DLGAP2: variants seen among roughly 807,000 people sequenced by gnomAD.
DLGAP2 encodes the protein DLG associated protein 2, also known as disks large-associated protein 2.
DLGAP2 carries 26 observed loss-of-function variants against 100.3 expected under a neutral mutation model. The ratio of observed to expected loss-of-function variants is 0.26; its 90% CI spans 0.19 to 0.36. The LOEUF is 0.36. Ranked by LOEUF, DLGAP2 falls within the 10% of genes least tolerant of loss-of-function variation. The probability of loss-of-function intolerance (pLI) is 1.00; values close to 1 mark genes in which losing one functional copy is unlikely to be tolerated. For synonymous variants in DLGAP2, 886 were observed against 630.1 expected (o/e 1.41, Z -6.08); for missense variants, 1,858 against 1,453.2 (o/e 1.28, Z -4.53).
chr8:999,713 T>G (rs1025834730), intron 2 of DLGAP2, among the ~76,000 whole-genome samples: 11 of 152,212 alleles, frequency 7.2e-5, no homozygotes, highest in Admixed American at 2.0e-4. Context: ...TCTCTTGACC[T>G]CGTGATCCAC....
chr8:1,309,000 C>T (rs1039145209), intron 3 of DLGAP2, among the ~76,000 whole-genome samples: 6 of 151,934 alleles, frequency 3.9e-5, no homozygotes, highest in Non-Finnish European at 8.8e-5. Context: ...CAGATTTGAG[C>T]AGGTAGAGGA....
chr8:1,226,253 A>T (rs192661722), intron 2 of DLGAP2, among the ~76,000 whole-genome samples: 26 of 152,140 alleles, frequency 1.7e-4, no homozygotes, highest in Admixed American at 1.2e-3. Flanking sequence ...TAGACTGGAT[A>T]AAAAAAATGC....
chr8:778,730 A>G (rs962849791), intron 1 of DLGAP2, among the ~76,000 whole-genome samples: 4 of 152,246 alleles, frequency 2.6e-5, no homozygotes, highest in Non-Finnish European at 4.4e-5. Context: ...TGGGAGAACC[A>G]CTGCTCTCTT....
At chr8:1,059,084 A>T (rs894725718) in intron 2 of DLGAP2, among the ~76,000 whole-genome samples, 2 of 152,138 alleles carry the variant, frequency 1.3e-5, no homozygotes, top group African/African-American at 4.8e-5. Context: ...TCCATGGGTA[A>T]ACCTCAGGTT....
At chr8:1,382,950 C>G (rs1270224365) in intron 3 of DLGAP2, among the ~76,000 whole-genome samples, 1 of 152,002 alleles carries the variant, frequency 6.6e-6, no homozygotes, top group African/African-American at 2.4e-5. Flanking sequence ...GAGAGAGACC[C>G]TAATCAATGA....
chr8:908,407 A>G (rs1798421971), intron 2 of DLGAP2, among the ~76,000 whole-genome samples: 1 of 152,176 alleles, frequency 6.6e-6, no homozygotes, highest in African/African-American at 2.4e-5. Context: ...GCTAGATGTT[A>G]TGTTCTGGAA....
At chr8:1,552,141 C>G (rs754730737) in intron 5 of DLGAP2, among the ~76,000 whole-genome samples, 13 of 152,230 alleles carry the variant, frequency 8.5e-5, no homozygotes, top group Non-Finnish European at 1.8e-4. Context: ...CCTGACGCCA[C>G]TGGCCTCCCT....
intron 2 of DLGAP2, among the ~76,000 whole-genome samples, chr8:1,078,883 G>A (rs757158092): frequency 6.6e-6 from 1 of 152,182 alleles, no homozygotes; most frequent in Admixed American, 6.5e-5. Flanking sequence ...GCAGGTTTTT[G>A]TATGGAGATG....
chr8:1,333,448 C>G (rs1055680631), intron 3 of DLGAP2, among the ~76,000 whole-genome samples: 8 of 152,166 alleles, frequency 5.3e-5, no homozygotes, highest in Non-Finnish European at 1.2e-4. Context: ...CTGACACTTT[C>G]CCATCCCGTC....
At chr8:816,591 G>T (rs951183868) in intron 1 of DLGAP2, among the ~76,000 whole-genome samples, 1 of 152,156 alleles carries the variant, frequency 6.6e-6, no homozygotes, top group Non-Finnish European at 1.5e-5. Context: ...TGAGAAATCT[G>T]TTAATCTGAT....
intron 1 of DLGAP2, among the ~76,000 whole-genome samples, chr8:841,393 G>A (rs1345420979): frequency 6.6e-6 from 1 of 152,174 alleles, no homozygotes; most frequent in Non-Finnish European, 1.5e-5. Context: ...AACCCTGGCA[G>A]CCTTTCGTAG....
intron 2 of DLGAP2, among the ~76,000 whole-genome samples, chr8:927,409 C>T (rs1798840395): frequency 6.6e-6 from 1 of 152,092 alleles, no homozygotes; most frequent in African/African-American, 2.4e-5. Flanking sequence ...TTGGGTCTAC[C>T]TGAGCATACG....
intron 2 of DLGAP2, among the ~76,000 whole-genome samples, chr8:1,157,860 G>A (rs1168723722): frequency 2.6e-5 from 4 of 152,316 alleles, no homozygotes; most frequent in African/African-American, 2.4e-5. Context: ...TGTCCCAGGC[G>A]CTATCTCAGA....
At chr8:870,470 C>T (rs146799998) in intron 1 of DLGAP2, among the ~76,000 whole-genome samples, 7 of 152,134 alleles carry the variant, frequency 4.6e-5, no homozygotes, top group South Asian at 4.2e-4. Flanking sequence ...GGCTTGAAAA[C>T]CTGGAGAATT....
chr8:1,426,702 C>G (rs1435846846), intron 3 of DLGAP2, among the ~76,000 whole-genome samples: 3 of 152,182 alleles, frequency 2.0e-5, no homozygotes, highest in Non-Finnish European at 4.4e-5. Flanking sequence ...ATTAGACCAA[C>G]AATAGATTCT....
intron 2 of DLGAP2, among the ~76,000 whole-genome samples, chr8:924,184 C>T (rs567303760): frequency 4.2e-4 from 64 of 152,354 alleles, no homozygotes; most frequent in African/African-American, 1.5e-3. Context: ...ACACCAGCTA[C>T]GTCCCTCACA....
intron 2 of DLGAP2, among the ~76,000 whole-genome samples, chr8:1,200,182 C>G (rs538017184): frequency 1.3e-5 from 2 of 152,312 alleles, no homozygotes; most frequent in East Asian, 3.9e-4. Context: ...CCGTGCTCTC[C>G]TCCCCACCGT....
At chr8:774,746 C>T (rs1821465815) in intron 1 of DLGAP2, among the ~76,000 whole-genome samples, 1 of 150,614 alleles carries the variant, frequency 6.6e-6, no homozygotes, top group Non-Finnish European at 1.5e-5. Context: ...GTTTTGGTTA[C>T]TGTAGCCTTG....
intron 3 of DLGAP2, among the ~76,000 whole-genome samples, chr8:1,431,817 T>A (rs1797452536): frequency 6.6e-6 from 1 of 152,184 alleles, no homozygotes; most frequent in South Asian, 2.1e-4. Context: ...CAGGGACTCT[T>A]CTGATGCCTC....
Sources: gnomAD v4.1 joint callset for allele counts (sites outside exome capture counted in the v4.1 genomes callset) on GRCh38, gnomAD v4.1.1 for gene constraint, MANE v1.5 for transcripts, NCBI Gene and HGNC (gene_info 2026-07-23, HGNC 2026-07-21) for gene names.